The following ZNF415 variants were observed in gnomAD, a reference collection of about 807,000 sequenced individuals.
ZNF415 encodes the protein zinc finger protein 415.
A neutral mutation model predicts 7.3 loss-of-function variants in ZNF415; 5 were observed. The observed-to-expected ratio is 0.69, with a 90% CI of 0.36 to 1.44. The LOEUF is 1.44. Among genes scored for constraint, ZNF415 ranks in the 40% most tolerant of loss-of-function variants. The pLI is 0.04. For missense variants in ZNF415, 628 were observed against 664.8 expected (o/e 0.94, Z 0.61); for synonymous variants, 207 against 226.3 (o/e 0.91, Z 0.77).
intron 2 of ZNF415, among the ~76,000 whole-genome samples, chr19:53,122,007 G>A (rs1318926728): frequency 1.3e-5 from 2 of 151,888 alleles, no homozygotes; most frequent in East Asian, 2.0e-4. Flanking sequence ...AGCACTTTGG[G>A]AAGCCGAGGT....
rs1415564255 is a variant in ZNF415, at chr19:53,116,343, A to G, written c.106T>C (p.Leu36=). The part of the protein sequence containing the change: ...TQRTLYRDVM[L]ENYRNLVSLD... The stretch of plus-strand genomic sequence containing the variant: ...GAGACCAGGTTCCTGTAGTTCTCCA[A>G]CATCACATCCCTGTATAAAGTCCTC... Residue 36 remains leucine, a synonymous_variant, in exon 3 of 4, where the codon TTG becomes CTG. Coordinates refer to ENST00000243643, the MANE Select transcript of ZNF415 (RefSeq NM_018355.4). The G allele has an allele frequency of 1.2e-6, 2 of 1,611,536 alleles. No homozygotes were observed. Among genetic ancestry groups the G allele is most frequent in the Middle Eastern group, 1.7e-4 (1 of 6,054 alleles).
At chr19:53,124,580 A>G (rs2088711995) in intron 1 of ZNF415, among the ~76,000 whole-genome samples, 1 of 152,168 alleles carries the variant, frequency 6.6e-6, no homozygotes, top group African/African-American at 2.4e-5. Flanking sequence ...GGGGCAAAAC[A>G]AATCATATCC....
intron 3 of ZNF415, among the ~76,000 whole-genome samples, chr19:53,114,434 C>T (rs1325801224): frequency 6.6e-6 from 1 of 152,162 alleles, no homozygotes; most frequent in Non-Finnish European, 1.5e-5. Context: ...ACCCAGAGTG[C>T]TGGAATTACA....
intron 3 of ZNF415, among the ~76,000 whole-genome samples, chr19:53,113,870 G>A (rs971680665): frequency 6.6e-6 from 1 of 152,192 alleles, no homozygotes; most frequent in African/African-American, 2.4e-5. Flanking sequence ...GTGCCCTCCA[G>A]GTACACTTTT....
Position 53,109,640 on chromosome 19 carries a change from A to G in ZNF415, c.405T>C (p.Ile135=). The G allele has an allele frequency of 6.2e-7, 1 of 1,614,140 alleles. No homozygotes were observed. The change falls in exon 4 of 4, where the codon ATT becomes ATC. Residue 135 remains isoleucine, a synonymous_variant. Coordinates refer to ENST00000243643, the MANE Select transcript of ZNF415 (RefSeq NM_018355.4). The part of the protein sequence containing the change: ...RDRRGIGNKS[I]KHQLGLSFLP... ...GAAAGCTTAATCCAAGCTGATGTTT[A>G]ATAGACTTGTTTCCTATACCTCTTC...
At chr19:53,128,679 G>T (rs2089620306) in intron 1 of ZNF415, among the ~76,000 whole-genome samples, 1 of 116,254 alleles carries the variant, frequency 8.6e-6, no homozygotes, top group African/African-American at 3.0e-5. Context: ...CAGGGTCTGC[G>T]GGGCTTTTCA....
At chr19:53,118,823 A>G (rs564268141) in intron 2 of ZNF415, among the ~76,000 whole-genome samples, 1 of 152,194 alleles carries the variant, frequency 6.6e-6, no homozygotes, top group African/African-American at 2.4e-5. Flanking sequence ...AGTTTATAGT[A>G]ATAAACACCT....
chr19:53,116,609 C>CTTTTTTTTTTT (rs1410295819), intron 2 of ZNF415, among the ~76,000 whole-genome samples, 176 bp from the exon 3 acceptor site: 96 of 81,082 alleles, frequency 1.2e-3, no homozygotes, highest in Middle Eastern at 6.8e-3. Flanking sequence ...GGTTTTTTTT[C>CTTTTTTTTTTT]TCTCTTTTTT....
intron 2 of ZNF415, among the ~76,000 whole-genome samples, chr19:53,116,956 G>C (rs2087153183): frequency 6.6e-6 from 1 of 151,910 alleles, no homozygotes; most frequent in Non-Finnish European, 1.5e-5. Context: ...TTGAATTTTT[G>C]GTGTCCCAGA....
intron 1 of ZNF415, among the ~76,000 whole-genome samples, chr19:53,126,851 G>A (rs2089226290): frequency 9.7e-6 from 1 of 102,794 alleles, no homozygotes; most frequent in Admixed American, 1.1e-4. Context: ...CATGACCAGG[G>A]CTGTAACCCT....
At position 53,109,432 on chromosome 19, in the gene ZNF415, G is replaced by C. The variant is rs377008876; in HGVS notation, c.613C>G (p.Gln205Glu). ...TCCCTAATGCATGATTTCTGTTCTT[G>C]TGTGAGTAATGAAGAACAGATGAAA... is the stretch of plus-strand genomic sequence containing the variant. Reference protein sequence around the residue: ...TDFICSSLLTQEQKSCIREKP... With the variant: ...TDFICSSLLTEEQKSCIREKP... The change falls in exon 4 of 4, where the codon CAA (glutamine) becomes GAA (glutamate). Residue 205 changes from glutamine (Q) to glutamate (E), a missense_variant. Transcript: ENST00000243643. 6.2e-7 allele frequency: 1 copy of C among 1,614,082 alleles called. No individual in the cohort carries two copies. Among genetic ancestry groups the C allele is most frequent in the Non-Finnish European group, 8.5e-7 (1 of 1,179,954 alleles).
At chr19:53,127,875 C>CAAAAAAAA (rs35037197) in intron 1 of ZNF415, among the ~76,000 whole-genome samples, 1 of 126,324 alleles carries the variant, frequency 7.9e-6, no homozygotes, top group Non-Finnish European at 1.6e-5. Context: ...GACACCGTCT[C>CAAAAAAAA]AAAAAAAAAA....
chr19:53,116,229 T>G, intron 3 of ZNF415, 84 bp downstream of exon 3: 1 of 1,491,766 alleles, frequency 6.7e-7, no homozygotes, highest in Non-Finnish European at 9.0e-7. Flanking sequence ...AGTCAGGTAA[T>G]GCAGGGGCTC....
At chr19:53,110,035 T>C in intron 3 of ZNF415, 127 bp from the exon 4 acceptor site, 1 of 705,698 alleles carries the variant, frequency 1.4e-6, no homozygotes, top group Non-Finnish European at 2.2e-6. Context: ...TTCCCAATCA[T>C]GATCTTTAAT....
At chr19:53,124,220 A>G (rs2088636110) in intron 1 of ZNF415, 1 of 148,650 alleles carries the variant, frequency 6.7e-6, no homozygotes, top group African/African-American at 2.5e-5. Context: ...CCTGGGCAAC[A>G]AGAGAAAAAC....
chr19:53,108,543 C>T lies in ZNF415; in HGVS notation c.1502G>A (p.Cys501Tyr), dbSNP rs375983192. The T allele has an allele frequency of 6.6e-5, 106 of 1,613,988 alleles. No homozygotes were observed. The highest frequency in any genetic ancestry group is 8.3e-5 in the Non-Finnish European group (98 of 1,179,970). ...TGEKPYKCNECGKSFSVRPNL... is the reference protein window; with the variant it reads ...TGEKPYKCNEYGKSFSVRPNL... ...TGGGCGCACACTAAAGGATTTGCCACACTCATTACATTTGTAAGGTTTTTC... is the reference window on the plus strand; with the variant it reads ...TGGGCGCACACTAAAGGATTTGCCATACTCATTACATTTGTAAGGTTTTTC... Residue 501 changes from cysteine (C) to tyrosine (Y), a missense_variant, in exon 4 of 4, where the codon TGT becomes TAT. Cys to Tyr is a radical substitution (Grantham distance 194). Transcript: ENST00000243643.
chr19:53,117,742 C>T (rs954249536), intron 2 of ZNF415, among the ~76,000 whole-genome samples: 5 of 152,122 alleles, frequency 3.3e-5, no homozygotes, highest in African/African-American at 1.2e-4. Context: ...GGGATCCCTA[C>T]ATCTAGAAGC....
intron 2 of ZNF415, among the ~76,000 whole-genome samples, chr19:53,122,165 G>A (rs1474435563): frequency 6.6e-6 from 1 of 152,094 alleles, no homozygotes; most frequent in African/African-American, 2.4e-5. Flanking sequence ...AGAATCACTT[G>A]AACCCGGGAG....
chr19:53,119,077 A>C lies in ZNF415; in HGVS notation c.16-2644T>G, dbSNP rs146566777. Among the ~76,000 whole-genome samples, 1,507 of 152,164 alleles carry C rather than the reference A, an allele frequency of 9.9e-3. 19 individuals are homozygous for C. Among genetic ancestry groups the C allele is most frequent in the Non-Finnish European group, 0.014 (982 of 67,988 alleles). ...GGGCGGATCACGAGGTCAGGAGATCAAGACCATCCTGGCTAACATGGTGAA... is the reference window on the plus strand; with the variant it reads ...GGGCGGATCACGAGGTCAGGAGATCCAGACCATCCTGGCTAACATGGTGAA... On this transcript the variant is annotated intron_variant, in intron 2 of 3. Coordinates refer to ENST00000243643, the MANE Select transcript of ZNF415 (RefSeq NM_018355.4).
Sources: gnomAD v4.1 joint callset for allele counts (sites outside exome capture counted in the v4.1 genomes callset) on GRCh38, gnomAD v4.1.1 for gene constraint, MANE v1.5 for transcripts, NCBI Gene and HGNC (gene_info 2026-07-23, HGNC 2026-07-21) for gene names.